BTD: variants seen among roughly 807,000 people sequenced by gnomAD.
BTD encodes the protein biocytinase.
A neutral mutation model predicts 17.7 loss-of-function variants in BTD; 13 were observed. The ratio of observed to expected loss-of-function variants is 0.74; its 90% CI spans 0.48 to 1.17. BTD has a LOEUF of 1.17. Ranked by LOEUF, BTD falls within the 50% of genes most tolerant of loss-of-function variation. The probability of loss-of-function intolerance (pLI) is 0.00; values close to 1 mark genes in which losing one functional copy is unlikely to be tolerated. For missense variants in BTD, 674 were observed against 650.4 expected (o/e 1.04, Z -0.39); for synonymous variants, 240 against 245.2 (o/e 0.98, Z 0.20).
intron 1 of BTD, among the ~76,000 whole-genome samples, chr3:15,609,874 TCTTC>T (rs1233464448): frequency 5.9e-5 from 9 of 152,062 alleles, no homozygotes; most frequent in Non-Finnish European, 1.0e-4. Flanking sequence ...TGACAACTGG[TCTTC>T]CTTATTTTTT....
At chr3:15,626,030 T>A (rs2125412238) in intron 1 of BTD, among the ~76,000 whole-genome samples, 1 of 152,388 alleles carries the variant, frequency 6.6e-6, no homozygotes, top group African/African-American at 2.4e-5. Context: ...TTATTTCAAC[T>A]GTTCCAAATT....
rs908367742 is a variant in BTD at position 15,651,098 on chromosome 3, G to A, written c.*5610G>A. The stretch of plus-strand genomic sequence containing the variant: ...TGTGATATTCTGATCAGCCAGCACT[G>A]AGTCACATGGCCACTATTAGGGTGA... On this transcript the variant is annotated 3_prime_UTR_variant, in exon 4 of 4. Coordinates refer to ENST00000643237, the MANE Select transcript of BTD (RefSeq NM_001370658.1). 8.5e-5 allele frequency among the ~76,000 whole-genome samples: 13 copies of A among 152,208 alleles called. No homozygotes were observed. Among genetic ancestry groups the A allele is most frequent in the African/African-American group, 3.1e-4 (13 of 41,464 alleles).
At position 15,668,700 on chromosome 3, in the gene BTD, A is replaced by G. The variant is rs144583156; in HGVS notation, c.399+26643A>G. On this transcript the variant is annotated intron_variant, in intron 3 of 3. Transcript: ENST00000672141. ...AAGTAAATACAGTATTCAAGCAGTCACTATTTCTATGTACATGCTCATTAA... is the reference window on the plus strand; with the variant it reads ...AAGTAAATACAGTATTCAAGCAGTCGCTATTTCTATGTACATGCTCATTAA... The G allele has an allele frequency of 3.3e-5, 5 of 152,722 alleles. No homozygotes were observed. In the East Asian group the frequency reaches 9.6e-4, roughly 29 times the overall value. The allele number at this position is 152,722 out of a possible 1,614,324, so 9.5% of individuals were successfully genotyped here.
At chr3:15,709,694 G>A (rs1304087536) in intron 3 of BTD, 3 of 1,583,852 alleles carry the variant, frequency 1.9e-6, no homozygotes. Flanking sequence ...TTTTATTAAA[G>A]TCTGCACCAG....
chr3:15,628,643 G>C (rs2065125286), intron 1 of BTD, among the ~76,000 whole-genome samples: 1 of 152,202 alleles, frequency 6.6e-6, no homozygotes, highest in Non-Finnish European at 1.5e-5. Flanking sequence ...CAGAAGAACA[G>C]AGTAGCTAGA....
At chr3:15,601,982 G>T in intron 1 of BTD, 88 bp downstream of exon 1, 1 of 1,575,510 alleles carries the variant, frequency 6.3e-7, no homozygotes, top group Non-Finnish European at 8.6e-7. Context: ...TGGACTTGGG[G>T]AGGGCTGCGC....
Position 15,651,111 on chromosome 3 carries a change from A to T in BTD, c.*5623A>T, listed in dbSNP as rs149919844. ...TCAGCCAGCACTGAGTCACATGGCC[A>T]CTATTAGGGTGAGGGATGATAGGCT... On this transcript the variant is annotated 3_prime_UTR_variant, in exon 4 of 4. Transcript: ENST00000643237. 7.4e-4 allele frequency among the ~76,000 whole-genome samples: 112 copies of T among 152,284 alleles called. 2 individuals carry two copies. The East Asian group carries it at 0.014, about 19-fold the overall frequency.
At chr3:15,654,240 G>T (rs145294588), downstream of BTD, among the ~76,000 whole-genome samples, 945 of 152,364 alleles carry the variant, frequency 6.2e-3, 5 homozygotes, top group Non-Finnish European at 9.6e-3. Context: ...GGGGAGGGAA[G>T]GAGCATGGAG....
At position 15,685,887 on chromosome 3, in the gene BTD, G is replaced by A. The variant is rs185296613; in HGVS notation, c.400-24173G>A. The A allele has an allele frequency of 3.1e-5, 24 of 786,694 alleles. No individual in the cohort carries two copies. In the South Asian group the frequency reaches 4.2e-4, roughly 14 times the overall value. 48.7% of individuals were successfully genotyped at this position (786,694 alleles called of 1,614,324 possible). Reference sequence around the variant, plus strand: ...AAAAACTAAGATACTGAAAGAAATGGTAAAGACTATTTGACGAACATTTAA... The same window carrying A: ...AAAAACTAAGATACTGAAAGAAATGATAAAGACTATTTGACGAACATTTAA... On this transcript the variant is annotated intron_variant, in intron 3 of 3. Transcript: ENST00000672141.
At chr3:15,668,019 A>G (rs1280938902) in intron 3 of BTD, 1 of 152,220 alleles carries the variant, frequency 6.6e-6, no homozygotes, top group Non-Finnish European at 1.5e-5. Flanking sequence ...CATCCTTCCA[A>G]CATTCTCAGG....
At chr3:15,703,407 G>A (rs191462996) in intron 3 of BTD, among the ~76,000 whole-genome samples, 2 of 152,200 alleles carry the variant, frequency 1.3e-5, no homozygotes, top group African/African-American at 4.8e-5. Context: ...GTTATTAGGA[G>A]GTGGGGCCTT....
At chr3:15,688,757 GT>G (rs2068441589) in intron 3 of BTD, among the ~76,000 whole-genome samples, 1 of 152,188 alleles carries the variant, frequency 6.6e-6, no homozygotes, top group East Asian at 1.9e-4. Context: ...TACGCAGTGG[GT>G]AGCAAGTCAT....
chr3:15,602,357 T>A, intron 1 of BTD: 1 of 995,222 alleles, frequency 1.0e-6, no homozygotes, highest in Non-Finnish European at 1.2e-6. Context: ...TAATCCATAT[T>A]ACTCTCCGCT....
intron 3 of BTD, chr3:15,695,138 G>C (rs1166211561): frequency 7.0e-7 from 1 of 1,425,536 alleles, no homozygotes; most frequent in Admixed American, 1.8e-5. Flanking sequence ...TAACTGGTAG[G>C]AGGGAACTGA....
At chr3:15,719,820 A>G (rs572232783) in intron 4 of BTD, among the ~76,000 whole-genome samples, 1 of 152,048 alleles carries the variant, frequency 6.6e-6, no homozygotes, top group South Asian at 2.1e-4. Context: ...CTCCTAAAGC[A>G]CTGGGATTAC....
At chr3:15,718,587 C>G (rs2073343032) in intron 4 of BTD, among the ~76,000 whole-genome samples, 1 of 151,850 alleles carries the variant, frequency 6.6e-6, no homozygotes, top group Non-Finnish European at 1.5e-5. Context: ...TCAAGTGATT[C>G]ATTATCATCA....
chr3:15,673,043 C>T (rs1207637993), intron 3 of BTD, among the ~76,000 whole-genome samples: 1 of 152,176 alleles, frequency 6.6e-6, no homozygotes, highest in East Asian at 1.9e-4. Context: ...TCCCAAAGTG[C>T]TAGGACCATA....
chr3:15,628,242 A>G (rs1158899521), intron 1 of BTD, among the ~76,000 whole-genome samples: 1 of 152,234 alleles, frequency 6.6e-6, no homozygotes, highest in Non-Finnish European at 1.5e-5. Context: ...TTCTGTATCC[A>G]CCACAGGCTT....
chr3:15,709,351 T>C (rs1332601795), intron 3 of BTD, among the ~76,000 whole-genome samples: 5 of 152,158 alleles, frequency 3.3e-5, no homozygotes, highest in South Asian at 2.1e-4. Flanking sequence ...GTGAGTTTCT[T>C]GAAAAAACAT....
Sources: allele counts gnomAD v4.1 joint callset (sites outside exome capture counted in the v4.1 genomes callset), GRCh38; gene constraint gnomAD v4.1.1; transcripts MANE v1.5; gene names NCBI Gene and HGNC (gene_info 2026-07-23, HGNC 2026-07-21).